Variants in PPARD observed in about 807,000 individuals in gnomAD.
PPARD encodes peroxisome proliferator-activated receptor delta.
Under a neutral mutation model 39.5 loss-of-function variants are expected in PPARD, and 6 were observed. The observed-to-expected ratio is 0.15, with a 90% CI of 0.08 to 0.30. The LOEUF is 0.30. Ranked by LOEUF, PPARD falls within the 10% of genes least tolerant of loss-of-function variation. PPARD has a pLI of 1.00. For missense variants in PPARD, 397 were observed against 596.8 expected (o/e 0.67, Z 3.49); for synonymous variants, 210 against 231.3 (o/e 0.91, Z 0.83).
intron 2 of PPARD, among the ~76,000 whole-genome samples, chr6:35,404,953 TTGTGTGTGTGTG>T (rs59359748): frequency 0.014 from 1,977 of 142,210 alleles, 15 homozygotes; most frequent in Middle Eastern, 0.035. Context: ...ACTGCAGGCT[TTGTGTGTGTGTG>T]TGTGTGTGTG....
intron 2 of PPARD, among the ~76,000 whole-genome samples, chr6:35,378,618 C>T (rs1199978968): frequency 2.6e-5 from 4 of 152,030 alleles, no homozygotes; most frequent in African/African-American, 7.3e-5. Flanking sequence ...CCTAGTGGGC[C>T]CTGAGAATCT....
chr6:35,425,888 C>A lies in PPARD; in HGVS notation c.1135C>A (p.Arg379Ser), dbSNP rs765797243. The change falls in exon 8 of 8, where the codon CGT (arginine) becomes AGT (serine). Residue 379 changes from arginine to serine, a missense_variant. Physicochemically the swap from Arg to Ser is moderately radical, Grantham distance 110. Coordinates refer to ENST00000360694, the MANE Select transcript of PPARD (RefSeq NM_006238.5). The surrounding 1 kb of genome is among the most constrained non-coding windows in gnomAD (Gnocchi z 4.5). ...GGAGGCTATCCAGGACACCATCCTG[C>A]GTGCCCTCGAATTCCACCTGCAGGC... ...RVEAIQDTIL[R>S]ALEFHLQANH... 2 of 1,614,162 alleles carry A rather than the reference C, an allele frequency of 1.2e-6. No individual in the cohort carries two copies. The highest frequency in any genetic ancestry group is 1.7e-6 in the Non-Finnish European group (2 of 1,180,036).
Position 35,366,555 on chromosome 6 carries a change from C to CT in PPARD, c.-102+19419dup, listed in dbSNP as rs375114675. ...AATTCCTGGCCTGTAGTACTAAATA[C>CT]TTTTTTTTTTTTTTAAGACAATCTC... On this transcript the variant is annotated intron_variant, in intron 2 of 7. Transcript: ENST00000360694. This position sits in a 1 kb window ranked among gnomAD's most constrained non-coding sequence, Gnocchi z 4.6. Among the ~76,000 whole-genome samples, 9,433 of 143,798 alleles carry CT rather than the reference C, an allele frequency of 0.066. 737 individuals carry two copies. Among genetic ancestry groups the CT allele is most frequent in the African/African-American group, 0.17 (6,348 of 38,428 alleles). 94.3% of individuals were successfully genotyped at this position (143,798 alleles called of 152,430 possible). A position where few individuals can be genotyped will look rare whatever the true frequency, so the allele number is the denominator to read the frequency against.
chr6:35,354,714 G>A (rs1472993600), intron 2 of PPARD, among the ~76,000 whole-genome samples: 1 of 152,218 alleles, frequency 6.6e-6, no homozygotes, highest in African/African-American at 2.4e-5. Context: ...TCATGGAAAT[G>A]TTCTGGCACA....
chr6:35,370,565 T>C (rs1582321261), intron 2 of PPARD, among the ~76,000 whole-genome samples: 1 of 152,146 alleles, frequency 6.6e-6, no homozygotes, highest in African/African-American at 2.4e-5. Flanking sequence ...ACATGGCTGG[T>C]AAACGCTTCA....
At chr6:35,351,683 A>G (rs1761260078) in intron 2 of PPARD, among the ~76,000 whole-genome samples, 1 of 151,972 alleles carries the variant, frequency 6.6e-6, no homozygotes, top group South Asian at 2.1e-4. Context: ...CGTCCAGAGT[A>G]GCTAGGACTA....
At chr6:35,361,608 G>A (rs1306331050) in intron 2 of PPARD, among the ~76,000 whole-genome samples, 1 of 152,230 alleles carries the variant, frequency 6.6e-6, no homozygotes, top group Non-Finnish European at 1.5e-5. Flanking sequence ...TGTTTGTGGA[G>A]CCCCACAGGG....
rs139072846 is a variant in PPARD, at chr6:35,395,455, A to T, written c.-101-15532A>T. ...CATAGTGGACTGTAAGCAGGGGGAC[A>T]TGTCATTTCAACACTTTAACTTCAT... On this transcript the variant is annotated intron_variant, in intron 2 of 7. Coordinates refer to ENST00000360694, the MANE Select transcript of PPARD (RefSeq NM_006238.5). Among the ~76,000 whole-genome samples the T allele has an allele frequency of 1.1e-3, 167 of 152,332 alleles. 5 individuals carry two copies. The highest frequency in any genetic ancestry group is 6.8e-3 in the Middle Eastern group (2 of 294).
At chr6:35,369,289 T>C (rs904891536) in intron 2 of PPARD, among the ~76,000 whole-genome samples, 6 of 152,236 alleles carry the variant, frequency 3.9e-5, no homozygotes, top group Non-Finnish European at 7.3e-5. Flanking sequence ...TGTTACTTTT[T>C]AGCAGTTTTG....
At chr6:35,350,841 G>C (rs1333176219) in intron 2 of PPARD, among the ~76,000 whole-genome samples, 1 of 151,932 alleles carries the variant, frequency 6.6e-6, no homozygotes, top group Non-Finnish European at 1.5e-5. Context: ...TGGTCAGGCT[G>C]GTCTTGAACT....
At position 35,424,621 on chromosome 6, in the gene PPARD, A is replaced by G. The variant is rs766434018; in HGVS notation, c.920A>G (p.Asn307Ser). ...AACAAGGACGGGCTGCTGGTAGCCAACGGCAGTGGCTTTGTCACCCGTGAG... is the reference window on the plus strand; with the variant it reads ...AACAAGGACGGGCTGCTGGTAGCCAGCGGCAGTGGCTTTGTCACCCGTGAG... ...IVNKDGLLVA[N>S]GSGFVTREFL... The change falls in exon 7 of 8, where the codon AAC (asparagine) becomes AGC (serine). Residue 307 changes from asparagine to serine, a missense_variant. Transcript: ENST00000360694. The surrounding 1 kb of genome is among the most constrained non-coding windows in gnomAD (Gnocchi z 7.1). 6.2e-7 allele frequency: 1 copy of G among 1,614,226 alleles called. No individual in the cohort carries two copies. Among genetic ancestry groups the G allele is most frequent in the African/African-American group, 1.3e-5 (1 of 75,066 alleles).
Position 35,424,265 on chromosome 6 carries a change from G to A in PPARD, c.628-64G>A. 2 of 1,595,724 alleles carry A rather than the reference G, an allele frequency of 1.3e-6. No homozygotes were observed. Among genetic ancestry groups the A allele is most frequent in the East Asian group, 4.5e-5 (2 of 44,558 alleles). On this transcript the variant is annotated intron_variant, in intron 6 of 7. Coordinates refer to ENST00000360694, the MANE Select transcript of PPARD (RefSeq NM_006238.5). The surrounding 1 kb of genome is among the most constrained non-coding windows in gnomAD (Gnocchi z 7.1). ...CCCTCAACTTCATGGTGCAGGCAAG[G>A]GACATGGGGAGCACAGGGTGGGGGT...
At chr6:35,362,333 C>G (rs1425771441) in intron 2 of PPARD, among the ~76,000 whole-genome samples, 1 of 152,066 alleles carries the variant, frequency 6.6e-6, no homozygotes, top group African/African-American at 2.4e-5. Context: ...ATGTTATTGC[C>G]AGACTTGCAG....
chr6:35,363,215 G>A lies in PPARD; in HGVS notation c.-102+16065G>A, dbSNP rs1762018043. Among the ~76,000 whole-genome samples the A allele has an allele frequency of 6.6e-6, 1 of 152,270 alleles. No homozygotes were observed. Among genetic ancestry groups the A allele is most frequent in the African/African-American group, 2.4e-5 (1 of 41,550 alleles). On this transcript the variant is annotated intron_variant, in intron 2 of 7. Transcript: ENST00000360694. The surrounding 1 kb of genome is among the most constrained non-coding windows in gnomAD (Gnocchi z 4.5). ...GAGAAGGCCTTTCTGAGCACTGAGGGTCAGTGGCTTCTCAGGTCTTTTCTG... is the reference window on the plus strand; with the variant it reads ...GAGAAGGCCTTTCTGAGCACTGAGGATCAGTGGCTTCTCAGGTCTTTTCTG...
chr6:35,389,916 C>G (rs3798343), intron 2 of PPARD, among the ~76,000 whole-genome samples: 13,147 of 152,150 alleles, frequency 0.086, 985 homozygotes, highest in East Asian at 0.3. Flanking sequence ...CTTTCTTTGC[C>G]CCTCTCCACT....
intron 5 of PPARD, among the ~76,000 whole-genome samples, chr6:35,423,258 G>A (rs551588124): frequency 2.6e-5 from 4 of 151,796 alleles, no homozygotes; most frequent in African/African-American, 9.7e-5. Flanking sequence ...GCTGGGCATG[G>A]TGGCACATGC....
At chr6:35,377,762 TC>T (rs1366052835) in intron 2 of PPARD, among the ~76,000 whole-genome samples, 2 of 151,966 alleles carry the variant, frequency 1.3e-5, no homozygotes, top group Non-Finnish European at 2.9e-5. Context: ...ATTGCCTGTC[TC>T]CCCTCCTCTC....
chr6:35,414,885 C>T (rs79535779), intron 3 of PPARD, among the ~76,000 whole-genome samples: 2,556 of 152,212 alleles, frequency 0.017, 33 homozygotes, highest in Middle Eastern at 0.041. Context: ...GAGCTCAACA[C>T]CTGCCATGCA....
At chr6:35,400,157 T>A (rs1164975982) in intron 2 of PPARD, among the ~76,000 whole-genome samples, 1 of 152,194 alleles carries the variant, frequency 6.6e-6, no homozygotes, top group Non-Finnish European at 1.5e-5. Context: ...CAGATCCCTA[T>A]TCCTGCCTCC....
Sources: allele counts gnomAD v4.1 joint callset (sites outside exome capture counted in the v4.1 genomes callset), GRCh38; gene constraint gnomAD v4.1.1; non-coding constraint Gnocchi (gnomAD v3.1); transcripts MANE v1.5; gene names NCBI Gene and HGNC (gene_info 2026-07-23, HGNC 2026-07-21).